The following CLASP1 variants were observed in gnomAD, a reference collection of about 807,000 sequenced individuals.
CLASP1 encodes CLIP-associating protein 1.
Under a neutral mutation model 192.3 loss-of-function variants are expected in CLASP1, and 38 were observed. The observed-to-expected ratio is 0.20, with a 90% CI of 0.15 to 0.26. CLASP1 has a LOEUF of 0.26. CLASP1 is among the 10% of genes least tolerant of loss of function. CLASP1 has a pLI of 1.00. For synonymous variants in CLASP1, 691 were observed against 712.8 expected (o/e 0.97, Z 0.49); for missense variants, 1,433 against 1,932.5 (o/e 0.74, Z 4.85).
intron 8 of CLASP1, chr2:121,470,290 ATGCTTTT>A: frequency 2.6e-6 from 1 of 379,500 alleles, no homozygotes; most frequent in East Asian, 8.2e-5. Context: ...CTGACCATCC[ATGCTTTT>A]TTTTTTTTTT....
In CLASP1 at chr2:121,376,539, G is replaced by A. The variant is rs535385210; in HGVS notation, c.3642+960C>T. On this transcript the variant is annotated intron_variant, in intron 34 of 39. Transcript: ENST00000263710. Reference sequence around the variant, plus strand: ...GCTGGGAAGGGGTGGGGGGGGGGTCGGGGAGGAAAACAGGCTGGTTAATAG... The same window carrying A: ...GCTGGGAAGGGGTGGGGGGGGGGTCAGGGAGGAAAACAGGCTGGTTAATAG... 1.3e-4 allele frequency among the ~76,000 whole-genome samples: 19 copies of A among 150,500 alleles called. No homozygotes were observed. In the East Asian group the frequency reaches 3.4e-3, roughly 27 times the overall value.
intron 1 of CLASP1, among the ~76,000 whole-genome samples, chr2:121,636,020 T>G (rs1371235212): frequency 6.6e-6 from 1 of 151,970 alleles, no homozygotes; most frequent in South Asian, 2.1e-4. Context: ...TGAGCATTAT[T>G]ATGAGACCTT....
intron 28 of CLASP1, among the ~76,000 whole-genome samples, chr2:121,400,736 C>T (rs1197222688): frequency 6.6e-6 from 1 of 152,116 alleles, no homozygotes; most frequent in Non-Finnish European, 1.5e-5. Context: ...AGAATTATTC[C>T]AGTTTGTAGT....
intron 2 of CLASP1, among the ~76,000 whole-genome samples, chr2:121,543,571 G>A (rs867908421): frequency 1.2e-4 from 19 of 152,034 alleles, no homozygotes; most frequent in Middle Eastern, 6.8e-3. Context: ...CCCCCAGCGC[G>A]CCAACAGGAC....
At chr2:121,398,178 C>A in intron 29 of CLASP1, 144 bp downstream of exon 30, 2 of 656,792 alleles carry the variant, frequency 3.0e-6, no homozygotes, top group Admixed American at 5.8e-5. Context: ...CCAAGAGAAA[C>A]AGGAACATGT....
At chr2:121,577,644 G>C (rs1355231785) in intron 2 of CLASP1, among the ~76,000 whole-genome samples, 1 of 152,134 alleles carries the variant, frequency 6.6e-6, no homozygotes, top group Non-Finnish European at 1.5e-5. Context: ...GTAATTCTTT[G>C]GGAGGCAACA....
chr2:121,630,562 G>A (rs1177607492), intron 1 of CLASP1, among the ~76,000 whole-genome samples: 2 of 152,094 alleles, frequency 1.3e-5, no homozygotes, highest in African/African-American at 2.4e-5. Flanking sequence ...AAAGAGAAAA[G>A]CAAACAAGAA....
rs569847060 is a variant in CLASP1, at chr2:121,503,170, T to C, written c.709A>G (p.Asn237Asp). Residue 237 changes from asparagine (N) to aspartate (D), a missense_variant, in exon 8 of 40, where the codon AAT becomes GAT. By Grantham distance (23) the Asn-to-Asp change is conservative. Around this residue, in one of 8 missense-constraint regions of CLASP1, gnomAD observed 282 missense variants for 359.9 expected, o/e 0.78. Transcript: ENST00000263710. ...AGGGATTGCTTTTTCTACTCACCATTTGCAGATTGTATCATGTTTCCAGAT... is the reference window on the plus strand; with the variant it reads ...AGGGATTGCTTTTTCTACTCACCATCTGCAGATTGTATCATGTTTCCAGAT... The C allele has an allele frequency of 1.9e-6, 3 of 1,547,514 alleles. No individual in the cohort carries two copies. In the South Asian group the frequency reaches 3.6e-5, roughly 18 times the overall value.
At chr2:121,543,665 T>A (rs1470771144) in intron 2 of CLASP1, among the ~76,000 whole-genome samples, 1 of 152,126 alleles carries the variant, frequency 6.6e-6, no homozygotes, top group Non-Finnish European at 1.5e-5. Flanking sequence ...TAAGAGACAG[T>A]TCCAGCTAGC....
intron 2 of CLASP1, among the ~76,000 whole-genome samples, chr2:121,598,841 CA>C (rs1473528628): frequency 1.3e-5 from 2 of 152,122 alleles, no homozygotes; most frequent in Non-Finnish European, 2.9e-5. Context: ...ACTCAAGCTC[CA>C]GCCAACGTTT....
At chr2:121,402,699 C>T (rs761670148) in intron 26 of CLASP1, 1 of 517,934 alleles carries the variant, frequency 1.9e-6, no homozygotes, top group Admixed American at 1.9e-5. Context: ...TATCAGTGTT[C>T]TAAACCATCT....
intron 39 of CLASP1, 107 bp from the exon 41 acceptor site, chr2:121,341,054 T>G (rs1419230999): frequency 4.1e-6 from 3 of 734,764 alleles, no homozygotes; most frequent in East Asian, 2.7e-5. Context: ...AGTCCCTTAG[T>G]TCCCTTGGTT....
intron 1 of CLASP1, among the ~76,000 whole-genome samples, chr2:121,637,751 T>G (rs1398926802): frequency 6.6e-6 from 1 of 152,044 alleles, no homozygotes; most frequent in Non-Finnish European, 1.5e-5. Flanking sequence ...CCAGGAATGG[T>G]GGTGCATGCC....
chr2:121,500,409 G>A (rs1481886681), intron 8 of CLASP1, among the ~76,000 whole-genome samples: 2 of 130,828 alleles, frequency 1.5e-5, no homozygotes, highest in East Asian at 4.5e-4. Flanking sequence ...AAGAAAGAAA[G>A]AAAGAAAAAA....
chr2:121,424,218 T>G (rs376620106), intron 22 of CLASP1, among the ~76,000 whole-genome samples: 1 of 152,342 alleles, frequency 6.6e-6, no homozygotes, highest in African/African-American at 2.4e-5. Context: ...CGTCATACTG[T>G]GTTACATTTC....
chr2:121,461,213 A>G lies in CLASP1; in HGVS notation c.940-20T>C. 1 of 1,358,776 alleles carries G rather than the reference A, an allele frequency of 7.4e-7. No homozygotes were observed. The highest frequency in any genetic ancestry group is 1.0e-6 in the Non-Finnish European group (1 of 967,538). 84.2% of individuals were successfully genotyped at this position (1,358,776 alleles called of 1,614,324 possible). On this transcript the variant is annotated intron_variant, in intron 10 of 39. Transcript: ENST00000263710. ...ATAAATCTGTAAGCAAAATTAATTT[A>G]CAATCAATATAAAAACATGCAGAAT...
rs551814456 is a variant in CLASP1, at chr2:121,612,978, C to CAT, written c.-285-6800_-285-6799dup. On this transcript the variant is annotated intron_variant, in intron 1 of 39. Coordinates refer to ENST00000263710, the Ensembl canonical transcript of CLASP1. ...TGAGTTTAAAAAAAAGTTCAATTTT[C>CAT]ATAATTTTCCAAAAGAATATGAGAG... Among the ~76,000 whole-genome samples, 9 of 152,178 alleles carry CAT rather than the reference C, an allele frequency of 5.9e-5. No homozygotes were observed. The South Asian group carries it at 1.9e-3, about 31-fold the overall frequency.
chr2:121,583,874 T>G (rs918159959), intron 2 of CLASP1, among the ~76,000 whole-genome samples: 1 of 151,334 alleles, frequency 6.6e-6, no homozygotes, highest in Non-Finnish European at 1.5e-5. Flanking sequence ...TATGAAAGTG[T>G]TAGGGTCTTT....
chr2:121,379,952 C>T lies in CLASP1; in HGVS notation c.3491+2256G>A, dbSNP rs553790872. On this transcript the variant is annotated intron_variant, in intron 33 of 39. Transcript: ENST00000263710. ...ACTCAAACTCCCAATTCAGGAGCACCATTTGCAGAACCAAGAACAATTGAA... is the reference window on the plus strand; with the variant it reads ...ACTCAAACTCCCAATTCAGGAGCACTATTTGCAGAACCAAGAACAATTGAA... Among the ~76,000 whole-genome samples the T allele has an allele frequency of 2.1e-3, 318 of 152,296 alleles. 1 individual carries two copies. Among genetic ancestry groups the T allele is most frequent in the African/African-American group, 6.2e-3 (258 of 41,564 alleles).
Sources: allele counts gnomAD v4.1 joint callset (sites outside exome capture counted in the v4.1 genomes callset), GRCh38; gene constraint gnomAD v4.1.1; regional missense constraint gnomAD v4.1.1; transcripts MANE v1.5; gene names NCBI Gene and HGNC (gene_info 2026-07-23, HGNC 2026-07-21).